Variants in NFIA observed in about 807,000 individuals in gnomAD.
The protein encoded by NFIA is nuclear factor 1 A-type.
Under a neutral mutation model 62.8 loss-of-function variants are expected in NFIA, and 8 were observed. The observed-to-expected ratio is 0.13, with a 90% confidence interval of 0.07 to 0.23. The LOEUF is 0.23. NFIA is among the 10% of genes least tolerant of loss of function. NFIA has a pLI of 1.00. For synonymous variants in NFIA, 235 were observed against 238.1 expected, an observed-to-expected ratio of 0.99 and a Z score of 0.12; for missense variants, 410 against 642.1, an observed-to-expected ratio of 0.64 and a Z score of 3.91.
At chr1:61,384,327 T>C (rs543687405) in intron 7 of NFIA, among the ~76,000 whole-genome samples, 27 of 152,306 alleles carry the variant, frequency 1.8e-4, no homozygotes, top group African/African-American at 6.0e-4. Flanking sequence ...ATGTGCTCTG[T>C]GTGCATCTCA....
At chr1:61,150,059 CTA>C (rs1219463399) in intron 2 of NFIA, among the ~76,000 whole-genome samples, 4 of 152,146 alleles carry the variant, frequency 2.6e-5, no homozygotes, top group Admixed American at 2.0e-4. Flanking sequence ...TCTTCCCTCC[CTA>C]TGTTCTGAGT....
At chr1:61,447,761 A>G (rs1478812028) in intron 10 of NFIA, among the ~76,000 whole-genome samples, 2 of 152,180 alleles carry the variant, frequency 1.3e-5, no homozygotes, top group African/African-American at 2.4e-5. Flanking sequence ...ACAAAATGTA[A>G]TCATTGTTGA....
At chr1:61,359,794 G>A (rs1015053841) in intron 6 of NFIA, among the ~76,000 whole-genome samples, 4 of 151,970 alleles carry the variant, frequency 2.6e-5, no homozygotes, top group African/African-American at 9.7e-5. Context: ...TGGCCAAGCT[G>A]GTCAATTTTT....
intron 2 of NFIA, among the ~76,000 whole-genome samples, chr1:61,205,870 A>G (rs1652857555): frequency 2.0e-5 from 3 of 149,168 alleles, no homozygotes; most frequent in Admixed American, 6.7e-5. Context: ...AATGCCCTAC[A>G]CTGAGGTTTT....
At chr1:61,136,444 G>A (rs1647191557) in intron 2 of NFIA, among the ~76,000 whole-genome samples, 1 of 152,152 alleles carries the variant, frequency 6.6e-6, no homozygotes, top group African/African-American at 2.4e-5. Context: ...CAAACTAGTA[G>A]ATGCCCTGGG....
chr1:61,445,473 TA>T (rs146819973), intron 10 of NFIA, among the ~76,000 whole-genome samples: 2,314 of 150,136 alleles, frequency 0.015, 43 homozygotes, highest in East Asian at 0.049. Flanking sequence ...GTTTCAGCAT[TA>T]AAAAAAAAAT....
chr1:61,158,890 C>T (rs544847904), intron 2 of NFIA, among the ~76,000 whole-genome samples: 1 of 152,264 alleles, frequency 6.6e-6, no homozygotes, highest in South Asian at 2.1e-4. Context: ...TTAGGAGCAG[C>T]TGTTTTGTGC....
intron 2 of NFIA, among the ~76,000 whole-genome samples, chr1:61,256,816 C>G (rs1656427617): frequency 6.6e-6 from 1 of 152,074 alleles, no homozygotes; most frequent in Non-Finnish European, 1.5e-5. Flanking sequence ...TTAGGACCCT[C>G]TGTTGTAAGG....
upstream of NFIA, chr1:61,077,726 TTCTC>T: frequency 2.1e-6 from 2 of 951,522 alleles, no homozygotes; most frequent in Non-Finnish European, 2.9e-6. Flanking sequence ...AGACTAAAAT[TTCTC>T]TAGCTCGCAT....
chr1:61,234,879 G>GGCTA (rs1489495742), intron 2 of NFIA, among the ~76,000 whole-genome samples: 2 of 152,026 alleles, frequency 1.3e-5, no homozygotes, highest in Non-Finnish European at 2.9e-5. Flanking sequence ...GTTTTTAAGT[G>GGCTA]GCTACATCTG....
intron 6 of NFIA, among the ~76,000 whole-genome samples, chr1:61,363,675 T>G (rs2100451578): frequency 6.6e-6 from 1 of 152,160 alleles, no homozygotes; most frequent in East Asian, 1.9e-4. Flanking sequence ...TCGATTTTCC[T>G]TATCCCAAAG....
chr1:61,195,546 G>A (rs1393501516), intron 2 of NFIA, among the ~76,000 whole-genome samples: 2 of 152,050 alleles, frequency 1.3e-5, no homozygotes, highest in Non-Finnish European at 2.9e-5. Context: ...GTGTCACTAA[G>A]AGTTAAGACA....
chr1:61,248,722 T>C (rs1655813852), intron 2 of NFIA, among the ~76,000 whole-genome samples: 1 of 152,202 alleles, frequency 6.6e-6, no homozygotes, highest in African/African-American at 2.4e-5. Context: ...GCTCAATAAA[T>C]ATTCAGTGAC....
intron 3 of NFIA, among the ~76,000 whole-genome samples, chr1:61,308,739 C>A (rs1659935043): frequency 6.6e-6 from 1 of 152,160 alleles, no homozygotes; most frequent in Admixed American, 6.5e-5. Context: ...ACCTAACTTT[C>A]AGATTTCTTT....
intron 3 of NFIA, among the ~76,000 whole-genome samples, chr1:61,326,413 A>G (rs780150730): frequency 7.6e-4 from 115 of 152,146 alleles, no homozygotes; most frequent in Non-Finnish European, 1.1e-3. Flanking sequence ...TAGTTAAACT[A>G]TATTGCTGGA....
chr1:61,224,631 C>T (rs1472165351), intron 2 of NFIA, among the ~76,000 whole-genome samples: 1 of 152,132 alleles, frequency 6.6e-6, no homozygotes, highest in Non-Finnish European at 1.5e-5. Flanking sequence ...AAATTAATAA[C>T]GCTCTAGTCT....
chr1:61,363,305 T>A (rs1663397441), intron 6 of NFIA, among the ~76,000 whole-genome samples: 1 of 152,128 alleles, frequency 6.6e-6, no homozygotes, highest in East Asian at 1.9e-4. Flanking sequence ...GACTGGTACT[T>A]TAGTTAAAAC....
intron 5 of NFIA, among the ~76,000 whole-genome samples, chr1:61,358,366 CT>C (rs1663077104): frequency 2.4e-4 from 19 of 78,810 alleles, no homozygotes; most frequent in African/African-American, 1.1e-3. Context: ...ATTTTCTTTT[CT>C]TTTCTTTCTT....
chr1:61,201,382 C>T (rs760290116), intron 2 of NFIA, among the ~76,000 whole-genome samples: 20 of 151,722 alleles, frequency 1.3e-4, no homozygotes, highest in Non-Finnish European at 1.5e-5. Context: ...TTTTCTGGTG[C>T]TCAAAGAGAT....
Sources: gnomAD v4.1 joint callset for allele counts (sites outside exome capture counted in the v4.1 genomes callset) on GRCh38, gnomAD v4.1.1 for gene constraint, MANE v1.5 for transcripts, NCBI Gene and HGNC (gene_info 2026-07-23, HGNC 2026-07-21) for gene names.